The following SOX6 variants were observed in gnomAD, a reference collection of about 807,000 sequenced individuals.
SOX6 encodes the protein transcription factor SOX-6.
SOX6 carries 11 observed loss-of-function variants against 97.8 expected under a neutral mutation model. That is an observed-to-expected ratio of 0.11 (90% CI 0.07 to 0.19). SOX6 has a LOEUF of 0.19. Among genes scored for constraint, SOX6 ranks in the 10% least tolerant of loss-of-function variants. SOX6 has a pLI of 1.00. For missense variants in SOX6, 810 were observed against 1,039.5 expected (o/e 0.78, Z 3.04); for synonymous variants, 360 against 371.4 (o/e 0.97, Z 0.35).
Position 16,570,241 on chromosome 11 carries a change from A to C in SOX6, n.609+41840T>G, listed in dbSNP as rs373912024. On this transcript the variant is annotated intron_variant and non_coding_transcript_variant, in intron 4 of 5. Transcript: ENST00000524520. ...GTCCTAACAACTATTAAATTCATTGAGCTCAGAGATGCATGGTAATTATTT... is the reference window on the plus strand; with the variant it reads ...GTCCTAACAACTATTAAATTCATTGCGCTCAGAGATGCATGGTAATTATTT... Among the ~76,000 whole-genome samples the C allele has an allele frequency of 3.9e-5, 6 of 152,320 alleles. No individual in the cohort carries two copies. The South Asian group carries it at 6.2e-4, about 16-fold the overall frequency.
chr11:16,715,120 A>G (rs1019512841), intron 2 of SOX6, among the ~76,000 whole-genome samples: 4 of 152,218 alleles, frequency 2.6e-5, no homozygotes, highest in Non-Finnish European at 4.4e-5. Flanking sequence ...TGCACTGTCC[A>G]ACGGGATAGC....
intron 3 of SOX6, among the ~76,000 whole-genome samples, chr11:16,641,523 A>T (rs1848913938): frequency 6.6e-6 from 1 of 151,974 alleles, no homozygotes; most frequent in Non-Finnish European, 1.5e-5. Flanking sequence ...GTCTCTCGTT[A>T]TTATTGTGTG....
chr11:16,695,292 A>G (rs773429409), intron 3 of SOX6, among the ~76,000 whole-genome samples: 5 of 152,266 alleles, frequency 3.3e-5, no homozygotes, highest in South Asian at 2.1e-4. Flanking sequence ...GCAAATCTAG[A>G]AATGAAAAAA....
chr11:16,247,559 A>G (rs1261376796), intron 3 of SOX6, among the ~76,000 whole-genome samples: 1 of 152,184 alleles, frequency 6.6e-6, no homozygotes, highest in Non-Finnish European at 1.5e-5. Context: ...AAACATGTCC[A>G]TCTTCACATG....
At chr11:15,987,915 A>T (rs1409798457) in intron 14 of SOX6, among the ~76,000 whole-genome samples, 1 of 152,116 alleles carries the variant, frequency 6.6e-6, no homozygotes, top group Non-Finnish European at 1.5e-5. Flanking sequence ...CCACTATTTG[A>T]TCTTATGTAT....
intron 3 of SOX6, among the ~76,000 whole-genome samples, chr11:16,650,314 A>G (rs1338831725): frequency 6.6e-6 from 1 of 152,062 alleles, no homozygotes; most frequent in Non-Finnish European, 1.5e-5. Flanking sequence ...CAATCCAACA[A>G]CTTCAGGATA....
intron 4 of SOX6, among the ~76,000 whole-genome samples, chr11:16,229,711 A>G (rs1852793277): frequency 6.6e-6 from 1 of 151,928 alleles, no homozygotes; most frequent in Non-Finnish European, 1.5e-5. Flanking sequence ...ATTAATTAGG[A>G]AAACTATTTT....
chr11:16,337,673 G>T (rs1201059647), intron 2 of SOX6, among the ~76,000 whole-genome samples: 1 of 152,006 alleles, frequency 6.6e-6, no homozygotes, highest in East Asian at 1.9e-4. Flanking sequence ...CCTTCAAATG[G>T]CTCTCACTAA....
intron 12 of SOX6, among the ~76,000 whole-genome samples, chr11:16,020,847 C>G (rs1855036911): frequency 6.6e-6 from 1 of 152,080 alleles, no homozygotes; most frequent in African/African-American, 2.4e-5. Flanking sequence ...TATCTTAGAC[C>G]TTTTCTATAT....
At chr11:16,305,900 A>T (rs543745231) in intron 3 of SOX6, among the ~76,000 whole-genome samples, 36 of 152,268 alleles carry the variant, frequency 2.4e-4, no homozygotes, top group African/African-American at 8.2e-4. Context: ...AGAAGTAAAG[A>T]ACATATTAGT....
intron 4 of SOX6, among the ~76,000 whole-genome samples, chr11:16,507,553 T>C (rs75120965): frequency 0.02 from 3,029 of 152,300 alleles, 80 homozygotes; most frequent in African/African-American, 0.06. Flanking sequence ...AACATGGTAT[T>C]GATATCAAAA....
At chr11:16,367,482 T>C (rs907621251) in intron 1 of SOX6, among the ~76,000 whole-genome samples, 1 of 152,112 alleles carries the variant, frequency 6.6e-6, no homozygotes, top group Admixed American at 6.6e-5. Context: ...AACCACATTT[T>C]CTCCCTTGGG....
chr11:16,227,210 A>G (rs915239481), intron 4 of SOX6, among the ~76,000 whole-genome samples: 1 of 152,256 alleles, frequency 6.6e-6, no homozygotes, highest in African/African-American at 2.4e-5. Context: ...AGGAAACAGA[A>G]CATATTTTGA....
At chr11:16,737,814 C>T (rs1166404578) in intron 1 of SOX6, among the ~76,000 whole-genome samples, 2 of 152,012 alleles carry the variant, frequency 1.3e-5, no homozygotes, top group East Asian at 1.9e-4. Context: ...CAGCTGCACA[C>T]GATTGTGAAT....
At chr11:16,121,492 C>A (rs1033766794) in intron 6 of SOX6, among the ~76,000 whole-genome samples, 2 of 151,944 alleles carry the variant, frequency 1.3e-5, no homozygotes, top group African/African-American at 4.8e-5. Context: ...TTAAAGACAT[C>A]TATAGCCTTG....
intron 1 of SOX6, among the ~76,000 whole-genome samples, chr11:16,415,824 A>G (rs1017684843): frequency 6.6e-5 from 10 of 152,340 alleles, no homozygotes; most frequent in Middle Eastern, 3.4e-3. Context: ...TGAGGAAAAT[A>G]ACAGTAAAGA....
At chr11:16,685,185 T>C (rs1189556287) in intron 3 of SOX6, among the ~76,000 whole-genome samples, 1 of 152,116 alleles carries the variant, frequency 6.6e-6, no homozygotes, top group Admixed American at 6.6e-5. Context: ...TCAGAGCTCA[T>C]GTTCTTCTCA....
intron 2 of SOX6, among the ~76,000 whole-genome samples, chr11:16,735,276 A>G (rs1848383118): frequency 6.6e-6 from 1 of 152,176 alleles, no homozygotes. Context: ...CAATACTTTT[A>G]GGCTTATCAG....
At chr11:16,658,701 C>T (rs1180941918) in intron 3 of SOX6, among the ~76,000 whole-genome samples, 2 of 140,446 alleles carry the variant, frequency 1.4e-5, no homozygotes, top group East Asian at 2.5e-4. Flanking sequence ...GAGAGAGACT[C>T]CGTCTCAAAA....
Sources: gnomAD v4.1 joint callset for allele counts (sites outside exome capture counted in the v4.1 genomes callset) on GRCh38, gnomAD v4.1.1 for gene constraint, MANE v1.5 for transcripts, NCBI Gene and HGNC (gene_info 2026-07-23, HGNC 2026-07-21) for gene names.